FBXO43: variants seen among roughly 807,000 people sequenced by gnomAD.
FBXO43 encodes the protein F-box only protein 43.
A neutral mutation model predicts 56.7 loss-of-function variants in FBXO43; 22 were observed. That is an observed-to-expected ratio of 0.39 (90% CI 0.28 to 0.55). The LOEUF (loss-of-function observed/expected upper bound fraction) is 0.55, where lower values mean the gene tolerates loss of function less well. Among genes scored for constraint, FBXO43 ranks in the 20% least tolerant of loss-of-function variants. The probability of loss-of-function intolerance (pLI) is 0.66; values close to 1 mark genes in which losing one functional copy is unlikely to be tolerated. For missense variants in FBXO43, 733 were observed against 814.9 expected, an observed-to-expected ratio of 0.90 and a Z score of 1.22; for synonymous variants, 306 against 294.5, an observed-to-expected ratio of 1.04 and a Z score of -0.40.
rs6987364 is a variant in FBXO43 at position 100,142,505 on chromosome 8, T to C, written c.86-337A>G. Reference sequence around the variant, plus strand: ...ATTTTTAGATTATTTTATTACCTTATGATTTTCACAGAACTAAACAATTTT... The same window carrying C: ...ATTTTTAGATTATTTTATTACCTTACGATTTTCACAGAACTAAACAATTTT... On this transcript the variant is annotated intron_variant, in intron 1 of 4. Transcript: ENST00000428847. Among the ~76,000 whole-genome samples, 952 of 152,326 alleles carry C rather than the reference T, an allele frequency of 6.2e-3. 12 individuals carry two copies. The highest frequency in any genetic ancestry group is 0.022 in the African/African-American group (904 of 41,576).
At chr8:100,135,559 C>T (rs955475583) in intron 3 of FBXO43, among the ~76,000 whole-genome samples, 6 of 151,788 alleles carry the variant, frequency 4.0e-5, no homozygotes, top group African/African-American at 1.4e-4. Context: ...AAGTACAGTT[C>T]TTTAAGAAAC....
rs1411858674 is a variant in FBXO43, at chr8:100,133,724, T to C, written c.*78A>G. On this transcript the variant is annotated 3_prime_UTR_variant, in exon 5 of 5. Coordinates refer to ENST00000428847, the MANE Select transcript of FBXO43 (RefSeq NM_001029860.4). The stretch of plus-strand genomic sequence containing the variant: ...CATCACCTGTCATTAATGGGAAGAT[T>C]TGCATGTATTCAAAATATTCATAAT... 8 of 1,401,096 alleles carry C rather than the reference T, an allele frequency of 5.7e-6. No individual in the cohort carries two copies. Among genetic ancestry groups the C allele is most frequent in the Non-Finnish European group, 3.9e-6 (4 of 1,036,128 alleles). 86.8% of individuals were successfully genotyped at this position (1,401,096 alleles called of 1,614,324 possible).
At chr8:100,150,476 C>A (rs941144821), upstream of FBXO43, 2 of 152,252 alleles carry the variant, frequency 1.3e-5, no homozygotes, top group African/African-American at 4.8e-5. Context: ...ATTAAAATAG[C>A]TGGGGACCAG....
chr8:100,150,389 TTG>T (rs1193643193), upstream of FBXO43, among the ~76,000 whole-genome samples: 2 of 152,222 alleles, frequency 1.3e-5, no homozygotes. Flanking sequence ...AAGTGTTACT[TTG>T]TACCACTACA....
intron 2 of FBXO43, 76 bp downstream of exon 2, chr8:100,140,607 C>A (rs574814662): frequency 2.6e-6 from 3 of 1,166,208 alleles, no homozygotes; most frequent in Non-Finnish European, 3.6e-6. Context: ...AAATAAAGGA[C>A]AACCACTCAA....
chr8:100,141,036 G>A lies in FBXO43; in HGVS notation c.1218C>T (p.Asp406=), dbSNP rs1435597246. The change falls in exon 2 of 5, where the codon GAC becomes GAT. Residue 406 remains aspartate, a synonymous_variant. Transcript: ENST00000428847. ...AAGCAGCTGCTGCTCTTTTTTCAGA[G>A]TCAGGGTGGACAATCTGCTTTTCCT... ...TEEEKQIVHP[D]SEKRAAAASA... The A allele has an allele frequency of 6.2e-7, 1 of 1,614,116 alleles. No individual in the cohort carries two copies. Among genetic ancestry groups the A allele is most frequent in the African/African-American group, 1.3e-5 (1 of 74,942 alleles).
In FBXO43 at chr8:100,140,930, C is replaced by G. The variant is rs1371423978; in HGVS notation, c.1324G>C (p.Ala442Pro). 1 of 1,614,206 alleles carries G rather than the reference C, an allele frequency of 6.2e-7. No homozygotes were observed. Among genetic ancestry groups the G allele is most frequent in the South Asian group, 1.1e-5 (1 of 91,084 alleles). The change falls in exon 2 of 5, where the codon GCC (alanine) becomes CCC (proline). Residue 442 changes from alanine to proline, a missense_variant. Physicochemically the swap from Ala to Pro is conservative, Grantham distance 27. Transcript: ENST00000428847. ...FSLKNLSKTPALQLVHELFMK... is the reference protein window; with the variant it reads ...FSLKNLSKTPPLQLVHELFMK... ...AACAGCTCATGTACCAATTGCAAGGCTGGGGTCTTTGATAAATTCTTTAAG... is the reference window on the plus strand; with the variant it reads ...AACAGCTCATGTACCAATTGCAAGGGTGGGGTCTTTGATAAATTCTTTAAG...
At position 100,133,689 on chromosome 8, in the gene FBXO43, G is replaced by A; in HGVS notation, c.*113C>T. 1.7e-6 allele frequency: 2 copies of A among 1,209,542 alleles called. No individual in the cohort carries two copies. The highest frequency in any genetic ancestry group is 2.3e-6 in the Non-Finnish European group (2 of 879,222). 74.9% of individuals were successfully genotyped at this position (1,209,542 alleles called of 1,614,324 possible). Reference sequence around the variant, plus strand: ...CATCGATTATAATATATACAAAATAGGAAATTAATCATCACCTGTCATTAA... The same window carrying A: ...CATCGATTATAATATATACAAAATAAGAAATTAATCATCACCTGTCATTAA... On this transcript the variant is annotated 3_prime_UTR_variant, in exon 5 of 5. Transcript: ENST00000428847.
Position 100,137,672 on chromosome 8 carries a change from A to G in FBXO43, c.1572-5T>C. On this transcript the variant is annotated splice_region_variant and splice_polypyrimidine_tract_variant and intron_variant, in intron 2 of 4. Transcript: ENST00000428847. ...TTTCTGCTTACTTTCCAAACACTAT[A>G]ACAAAAAGATCCATCCTTATATTGC... 8 of 1,602,010 alleles carry G rather than the reference A, an allele frequency of 5.0e-6. No homozygotes were observed. Among genetic ancestry groups the G allele is most frequent in the Non-Finnish European group, 6.8e-6 (8 of 1,169,856 alleles).
rs1288558212 is a variant in FBXO43, at chr8:100,145,702, G to A, written c.-567C>T. 7.2e-5 allele frequency: 11 copies of A among 152,536 alleles called. No individual in the cohort carries two copies. Among genetic ancestry groups the A allele is most frequent in the Admixed American group, 7.2e-4 (11 of 15,286 alleles). The allele number at this position is 152,536 out of a possible 1,614,324, so 9.4% of individuals were successfully genotyped here. A position where few individuals can be genotyped will look rare whatever the true frequency, so the allele number is the denominator to read the frequency against. On this transcript the variant is annotated 5_prime_UTR_variant, in exon 1 of 5. Coordinates refer to ENST00000428847, the MANE Select transcript of FBXO43 (RefSeq NM_001029860.4). Reference sequence around the variant, plus strand: ...AAGCGGACAGGTGGGAGAGGAGCCGGGCAGCAGCCGCTGGATGGGCCGGGG... The same window carrying A: ...AAGCGGACAGGTGGGAGAGGAGCCGAGCAGCAGCCGCTGGATGGGCCGGGG...
intron 1 of FBXO43, among the ~76,000 whole-genome samples, chr8:100,144,375 C>T (rs1244886994): frequency 1.3e-5 from 2 of 152,020 alleles, no homozygotes; most frequent in Non-Finnish European, 2.9e-5. Context: ...TGTTCATCTA[C>T]ACACTTGAAG....
At chr8:100,146,425 C>G (rs1586357476), upstream of FBXO43, among the ~76,000 whole-genome samples, 1 of 151,894 alleles carries the variant, frequency 6.6e-6, no homozygotes. Context: ...AGTGAGACCC[C>G]CATCTCAAAA....
At chr8:100,135,392 A>C (rs1161462833) in intron 3 of FBXO43, among the ~76,000 whole-genome samples, 1 of 152,224 alleles carries the variant, frequency 6.6e-6, no homozygotes, top group African/African-American at 2.4e-5. Context: ...AAAGTGTTGA[A>C]AATGATTGTC....
chr8:100,145,137 C>G lies in FBXO43; in HGVS notation c.-2G>C, dbSNP rs1814789809. ...CTCATCTTTGTCTTTAAAACTCATG[C>G]CAAAATAATGCCACTTAAAGAGGAA... On this transcript the variant is annotated 5_prime_UTR_variant, in exon 1 of 5. Coordinates refer to ENST00000428847, the MANE Select transcript of FBXO43 (RefSeq NM_001029860.4). 5.0e-6 allele frequency: 8 copies of G among 1,605,546 alleles called. No individual in the cohort carries two copies. The highest frequency in any genetic ancestry group is 6.8e-6 in the Non-Finnish European group (8 of 1,176,994).
At chr8:100,134,526 C>A (rs3104190) in intron 3 of FBXO43, among the ~76,000 whole-genome samples, 162 bp from the exon 4 acceptor site, 8,348 of 151,926 alleles carry the variant, frequency 0.055, 689 homozygotes, top group African/African-American at 0.17. Context: ...AAACAAAAAA[C>A]CAACCTTTTC....
intron 3 of FBXO43, among the ~76,000 whole-genome samples, chr8:100,134,944 G>C (rs920890730): frequency 6.6e-6 from 1 of 152,204 alleles, no homozygotes; most frequent in Admixed American, 6.5e-5. Context: ...TACCTGATTT[G>C]TTTGGACTTA....
rs371363850 is a variant in FBXO43, at chr8:100,141,214, G to A, written c.1040C>T (p.Ser347Phe). 6 of 1,614,038 alleles carry A rather than the reference G, an allele frequency of 3.7e-6. No individual in the cohort carries two copies. ...AAAAGAACCCTCCTGGTCAGACAGG[G>A]AATCTTCTGATTTCTCCAAGCTAAG... ...NSLSLEKSED[S>F]LSDQEGSFQE... The change falls in exon 2 of 5, where the codon TCC (serine) becomes TTC (phenylalanine). Residue 347 changes from serine to phenylalanine, a missense_variant. By Grantham distance (155) the Ser-to-Phe change is radical. Coordinates refer to ENST00000428847, the MANE Select transcript of FBXO43 (RefSeq NM_001029860.4).
Position 100,142,140 on chromosome 8 carries a change from CCTT to C in FBXO43, c.111_113del (p.Arg38del). On this transcript the variant is annotated inframe_deletion, in exon 2 of 5. Transcript: ENST00000428847. ...CTTCAGTGCCAGCTTGACCTGAGTG[CCTT>C]TGCGACATCTTCAAAATCTCTGTTT... The C allele has an allele frequency of 2.5e-6, 4 of 1,570,164 alleles. No individual in the cohort carries two copies. The highest frequency in any genetic ancestry group is 3.4e-6 in the Non-Finnish European group (4 of 1,162,176).
At chr8:100,136,161 C>T (rs1187724307) in intron 3 of FBXO43, among the ~76,000 whole-genome samples, 1 of 152,112 alleles carries the variant, frequency 6.6e-6, no homozygotes, top group Admixed American at 6.5e-5. Flanking sequence ...TTACAAACTC[C>T]CAGAGCCAGC....
Sources: allele counts gnomAD v4.1 joint callset (sites outside exome capture counted in the v4.1 genomes callset), GRCh38; gene constraint gnomAD v4.1.1; transcripts MANE v1.5; gene names NCBI Gene and HGNC (gene_info 2026-07-23, HGNC 2026-07-21).